The following ADGRL2 variants were observed in gnomAD, a reference collection of about 807,000 sequenced individuals.
ADGRL2 encodes the protein adhesion G protein-coupled receptor L2.
Under a neutral mutation model 157.4 loss-of-function variants are expected in ADGRL2, and 44 were observed. The observed-to-expected ratio is 0.28, with a 90% CI of 0.22 to 0.36. The LOEUF (loss-of-function observed/expected upper bound fraction) is 0.36, where lower values mean the gene tolerates loss of function less well. Ranked by LOEUF, ADGRL2 falls within the 10% of genes least tolerant of loss-of-function variation. The pLI is 1.00. For missense variants in ADGRL2, 1,510 were observed against 1,768.9 expected, an observed-to-expected ratio of 0.85 and a Z score of 2.63; for synonymous variants, 585 against 624.7, an observed-to-expected ratio of 0.94 and a Z score of 0.95.
Position 81,990,699 on chromosome 1 carries a change from G to T in ADGRL2, c.3964G>T (p.Asp1322Tyr), listed in dbSNP as rs200831885. The T allele has an allele frequency of 6.2e-7, 1 of 1,614,044 alleles. No individual in the cohort carries two copies. The highest frequency in any genetic ancestry group is 1.7e-5 in the Admixed American group (1 of 60,000). ...AGATGCTTCATCTTTAATGCACAGC[G>T]ACAACCCAGGGCTGGAGCTCCATCA... ...VADASSLMHS[D>Y]NPGLELHHKE... Residue 1322 changes from aspartate (D) to tyrosine (Y), a missense_variant, in exon 24 of 24, where the codon GAC (aspartate) becomes TAC (tyrosine). Asp to Tyr is a radical substitution (Grantham distance 160, BLOSUM62 -3). Transcript: ENST00000686636.
intron 2 of ADGRL2, among the ~76,000 whole-genome samples, chr1:81,850,635 A>G (rs1279057166): frequency 9.2e-5 from 14 of 152,052 alleles, no homozygotes; most frequent in Admixed American, 6.6e-5. Context: ...TTTGAAAGCT[A>G]GTAACCTTTA....
chr1:81,662,746 G>A lies in ADGRL2; in HGVS notation c.-143+81766G>A, dbSNP rs369062862. ...ATTTTTTTGTATTTTTAGTAGAGAC[G>A]GGGTTTCACCATCTTGGCCAGGCTG... On this transcript the variant is annotated intron_variant, in intron 3 of 24. Coordinates refer to the ADGRL2 transcript ENST00000370721. Among the ~76,000 whole-genome samples, 6 of 150,730 alleles carry A rather than the reference G, an allele frequency of 4.0e-5. No homozygotes were observed. In the East Asian group the frequency reaches 9.9e-4, roughly 25 times the overall value.
rs544145318 is a variant in ADGRL2, at chr1:81,424,938, G to C, written c.-301-20098G>C. Among the ~76,000 whole-genome samples, 141 of 152,252 alleles carry C rather than the reference G, an allele frequency of 9.3e-4. 3 individuals carry two copies. The South Asian group carries it at 0.029, about 31-fold the overall frequency. On this transcript the variant is annotated intron_variant, in intron 1 of 24. Transcript: ENST00000370721. ...TACTATTATTTGAAGACCCGCTATG[G>C]AGCAGTCCTCTTCTCAGTACTTTAT...
rs1177564379 is a variant in ADGRL2 at position 81,454,167 on chromosome 1, C to CT, written c.-248+9090dup. 8.1e-3 allele frequency among the ~76,000 whole-genome samples: 1,175 copies of CT among 145,698 alleles called. 12 individuals are homozygous for CT. The highest frequency in any genetic ancestry group is 0.026 in the African/African-American group (1,041 of 39,976). ...AGTCTTGAACATCTCAATCCTCACT[C>CT]TTTTTTTTTTTTCTTTTTCTTCTTC... On this transcript the variant is annotated intron_variant, in intron 2 of 24. Coordinates refer to the ADGRL2 transcript ENST00000370721.
At chr1:81,353,279 A>T (rs146564150) in intron 1 of ADGRL2, among the ~76,000 whole-genome samples, 2,145 of 152,234 alleles carry the variant, frequency 0.014, 52 homozygotes, top group African/African-American at 0.05. Context: ...AACAGTTCAG[A>T]TTGGGTCCTT....
Position 81,943,431 on chromosome 1 carries a change from T to C in ADGRL2, c.872T>C (p.Val291Ala). Residue 291 changes from valine to alanine, a missense_variant, in exon 6 of 24, where the codon GTT becomes GCT. Val to Ala is a moderately conservative substitution (Grantham distance 64). Around this residue, in one of 4 missense-constraint regions of ADGRL2, gnomAD observed 361 missense variants for 498.4 expected, o/e 0.72. Coordinates refer to ENST00000686636, the MANE Select transcript of ADGRL2 (RefSeq NM_001366006.2). This position sits in a 1 kb window ranked among gnomAD's most constrained non-coding sequence, Gnocchi z 5.6. ...YATEQNNGMIVISQLNPYTLR... is the reference protein window; with the variant it reads ...YATEQNNGMIAISQLNPYTLR... Reference sequence around the variant, plus strand: ...ACTGAACAGAACAATGGAATGATAGTTATTAGCCAGCTGAATCCATACACT... The same window carrying C: ...ACTGAACAGAACAATGGAATGATAGCTATTAGCCAGCTGAATCCATACACT... 1 of 1,613,724 alleles carries C rather than the reference T, an allele frequency of 6.2e-7. No homozygotes were observed. Among genetic ancestry groups the C allele is most frequent in the Non-Finnish European group, 8.5e-7 (1 of 1,179,766 alleles).
In ADGRL2 at chr1:81,679,609, G is replaced by A. The variant is rs1032934839; in HGVS notation, c.-142-82202G>A. 3.9e-5 allele frequency among the ~76,000 whole-genome samples: 6 copies of A among 152,192 alleles called. No homozygotes were observed. The East Asian group carries it at 1.2e-3, about 29-fold the overall frequency. On this transcript the variant is annotated intron_variant, in intron 3 of 24. Coordinates refer to the ADGRL2 transcript ENST00000370721. ...TAGTTTTAGGAAGCAAATCCAGGAG[G>A]CCCTGGAACCTTAGCCTAGTGTCTC...
upstream of ADGRL2, among the ~76,000 whole-genome samples, chr1:81,795,777 G>A (rs778802659): frequency 2.6e-5 from 4 of 152,176 alleles, no homozygotes. Context: ...TACTTCTACT[G>A]TTAACCATCT....
intron 3 of ADGRL2, among the ~76,000 whole-genome samples, chr1:81,689,646 C>T (rs567907817): frequency 1.2e-4 from 18 of 152,302 alleles, no homozygotes; most frequent in East Asian, 3.9e-4. Context: ...CTGCTGTCTT[C>T]GTCCACCCAC....
chr1:81,732,974 T>C (rs533355681), intron 1 of ADGRL2, among the ~76,000 whole-genome samples: 4 of 152,374 alleles, frequency 2.6e-5, no homozygotes, highest in African/African-American at 9.6e-5. Context: ...ATGCCTTCTA[T>C]GTTTTACGAT....
chr1:81,482,241 C>CA (rs1162565363), intron 2 of ADGRL2, among the ~76,000 whole-genome samples: 97 of 152,062 alleles, frequency 6.4e-4, no homozygotes, highest in African/African-American at 2.3e-3. Context: ...AGTTTGCGGC[C>CA]AAACAAACAG....
chr1:81,766,847 G>GAAAAAAAAAAAAAAAAAAAAAA (rs66946051), intron 2 of ADGRL2, among the ~76,000 whole-genome samples: 1 of 117,824 alleles, frequency 8.5e-6, no homozygotes, highest in Non-Finnish European at 1.8e-5. Context: ...AAAAAAAAAG[G>GAAAAAAAAAAAAAAAAAAAAAA]AAAAAAAAAA....
intron 1 of ADGRL2, among the ~76,000 whole-genome samples, chr1:81,358,951 A>G (rs1382123224): frequency 6.6e-6 from 1 of 152,104 alleles, no homozygotes; most frequent in East Asian, 1.9e-4. Flanking sequence ...ACTGGTCAGA[A>G]GTTAATTAGA....
intron 3 of ADGRL2, among the ~76,000 whole-genome samples, chr1:81,929,512 G>T (rs2148736679): frequency 6.6e-6 from 1 of 152,228 alleles, no homozygotes; most frequent in African/African-American, 2.4e-5. Flanking sequence ...CAAGACTATT[G>T]ATTAAAACAC....
At chr1:81,463,714 C>A (rs1174728101) in intron 2 of ADGRL2, among the ~76,000 whole-genome samples, 1 of 152,144 alleles carries the variant, frequency 6.6e-6, no homozygotes, top group Admixed American at 6.5e-5. Context: ...CTCGCAATAA[C>A]CCCCTGAGCA....
chr1:81,380,392 G>A (rs569092522), intron 1 of ADGRL2, among the ~76,000 whole-genome samples: 1 of 151,988 alleles, frequency 6.6e-6, no homozygotes, highest in Non-Finnish European at 1.5e-5. Context: ...AAATTTATTC[G>A]CATTTTTATG....
At chr1:81,776,500 T>A (rs2086593497) in intron 2 of ADGRL2, among the ~76,000 whole-genome samples, 1 of 152,290 alleles carries the variant, frequency 6.6e-6, no homozygotes, top group South Asian at 2.1e-4. Flanking sequence ...AAGATTTTTA[T>A]AAAATTAAAA....
intron 1 of ADGRL2, among the ~76,000 whole-genome samples, chr1:81,403,708 G>T (rs1187958949): frequency 5.9e-5 from 9 of 152,042 alleles, no homozygotes; most frequent in Non-Finnish European, 1.2e-4. Flanking sequence ...CATACATTCT[G>T]CAGTGTATAT....
chr1:81,707,843 A>T (rs571649269), intron 1 of ADGRL2, among the ~76,000 whole-genome samples: 25 of 152,206 alleles, frequency 1.6e-4, no homozygotes, highest in African/African-American at 6.0e-4. Flanking sequence ...AGTGCAGCTG[A>T]GGTGTGATAT....
Sources: allele counts gnomAD v4.1 joint callset (sites outside exome capture counted in the v4.1 genomes callset), GRCh38; gene constraint gnomAD v4.1.1; regional missense constraint gnomAD v4.1.1; non-coding constraint Gnocchi (gnomAD v3.1); transcripts MANE v1.5; gene names NCBI Gene and HGNC (gene_info 2026-07-23, HGNC 2026-07-21).